The following OSMR variants were observed in gnomAD, a reference collection of about 807,000 sequenced individuals.
OSMR encodes oncostatin M receptor.
OSMR carries 81 observed loss-of-function variants against 99.9 expected under a neutral mutation model. That is an observed-to-expected ratio of 0.81 (90% CI 0.68 to 0.97). The LOEUF (loss-of-function observed/expected upper bound fraction) is 0.97, where lower values mean the gene tolerates loss of function less well. OSMR is among the 50% of genes least tolerant of loss of function. The pLI, the probability that OSMR is intolerant of heterozygous loss-of-function variation, is 0.00. For missense variants in OSMR, 1,099 were observed against 1,153.4 expected (o/e 0.95, Z 0.68); for synonymous variants, 406 against 410.4 (o/e 0.99, Z 0.13).
intron 1 of OSMR, among the ~76,000 whole-genome samples, chr5:38,864,812 G>T (rs570585839): frequency 6.6e-6 from 1 of 151,992 alleles, no homozygotes; most frequent in Non-Finnish European, 1.5e-5. Flanking sequence ...CTATTATTTT[G>T]TAAAATAGAT....
At chr5:38,898,353 C>G (rs1335840366) in intron 7 of OSMR, among the ~76,000 whole-genome samples, 1 of 152,092 alleles carries the variant, frequency 6.6e-6, no homozygotes, top group African/African-American at 2.4e-5. Context: ...ACGTAATGAC[C>G]TACTTTGCAT....
chr5:38,846,214 T>C lies in OSMR; in HGVS notation c.-187T>C, dbSNP rs2111955645. ...TGGCTTTTCCGACGGGCGAGCCCCG[T>C]GCTGTGCGGGAAAGAATCCGACAAC... On this transcript the variant is annotated 5_prime_UTR_variant, in exon 1 of 18. Coordinates refer to ENST00000274276, the MANE Select transcript of OSMR (RefSeq NM_003999.3). 6.6e-6 allele frequency: 1 copy of C among 152,360 alleles called. No homozygotes were observed. The highest frequency in any genetic ancestry group is 2.1e-4 in the South Asian group (1 of 4,828). The allele number at this position is 152,360 out of a possible 1,614,324, so 9.4% of individuals were successfully genotyped here. A position where few individuals can be genotyped will look rare whatever the true frequency, so the allele number is the denominator to read the frequency against.
At position 38,884,035 on chromosome 5, in the gene OSMR, A is replaced by G; in HGVS notation, c.627A>G (p.Lys209=). 2 of 1,613,930 alleles carry G rather than the reference A, an allele frequency of 1.2e-6. No individual in the cohort carries two copies. The highest frequency in any genetic ancestry group is 1.7e-6 in the Non-Finnish European group (2 of 1,179,774). ...ATAGTGTGCCTTTCATTAGGAATAAAGGGACAAATATCTATTGTGAGGCAA... is the reference window on the plus strand; with the variant it reads ...ATAGTGTGCCTTTCATTAGGAATAAGGGGACAAATATCTATTGTGAGGCAA... ...NLNSVPFIRN[K]GTNIYCEASQ... Residue 209 remains lysine, a synonymous_variant, in exon 5 of 18, where the codon AAA becomes AAG. Transcript: ENST00000274276.
chr5:38,894,076 T>C (rs1397281706), intron 7 of OSMR, among the ~76,000 whole-genome samples: 1 of 152,192 alleles, frequency 6.6e-6, no homozygotes, highest in Non-Finnish European at 1.5e-5. Flanking sequence ...CCTGCCAAGT[T>C]GAGCTTCATA....
chr5:38,914,647 A>G (rs1745796276), intron 9 of OSMR, among the ~76,000 whole-genome samples: 2 of 152,342 alleles, frequency 1.3e-5, no homozygotes, highest in Admixed American at 6.5e-5. Context: ...GTACATATAC[A>G]CCATGGAATA....
intron 7 of OSMR, 65 bp from the exon 8 acceptor site, chr5:38,903,817 C>T: frequency 2.6e-6 from 4 of 1,565,172 alleles, no homozygotes; most frequent in Non-Finnish European, 2.6e-6. Context: ...AATAAACTGC[C>T]TATTACCAAT....
At chr5:38,931,573 C>T (rs1432944485) in intron 15 of OSMR, among the ~76,000 whole-genome samples, 2 of 152,198 alleles carry the variant, frequency 1.3e-5, no homozygotes, top group Non-Finnish European at 2.9e-5. Flanking sequence ...TTCTCACCTA[C>T]CATGAAGTTT....
At chr5:38,882,595 C>T (rs1018476755) in intron 4 of OSMR, among the ~76,000 whole-genome samples, 8 of 151,428 alleles carry the variant, frequency 5.3e-5, no homozygotes, top group African/African-American at 1.9e-4. Context: ...ACCAAAAAAA[C>T]AACAGATGGT....
chr5:38,906,953 G>A (rs1745276821), intron 9 of OSMR, among the ~76,000 whole-genome samples: 1 of 152,104 alleles, frequency 6.6e-6, no homozygotes, highest in Admixed American at 6.6e-5. Context: ...CGTGACAGTT[G>A]CTATTTAACA....
chr5:38,907,519 AGAG>A (rs1745321093), intron 9 of OSMR, among the ~76,000 whole-genome samples: 1 of 152,162 alleles, frequency 6.6e-6, no homozygotes, highest in African/African-American at 2.4e-5. Flanking sequence ...AGACCTAGAC[AGAG>A]GAGAATGGTC....
chr5:38,909,279 A>C (rs1745426528), intron 9 of OSMR, among the ~76,000 whole-genome samples: 1 of 152,240 alleles, frequency 6.6e-6, no homozygotes, highest in Non-Finnish European at 1.5e-5. Flanking sequence ...AAGGCAAGCA[A>C]CTTGGAAAAC....
chr5:38,926,011 G>A (rs1746457023), intron 15 of OSMR, among the ~76,000 whole-genome samples: 1 of 151,930 alleles, frequency 6.6e-6, no homozygotes, highest in African/African-American at 2.4e-5. Flanking sequence ...AAGAAGGAAG[G>A]GAGAAAAACA....
rs763211584 is a variant in OSMR at position 38,924,612 on chromosome 5, ATTTG to A, written c.2044+21_2044+24del. ...TTCTTTCAGGTGACATCTATTTTTA[ATTTG>A]TTTATTTATTCTTTCAAGATCTCAT... On this transcript the variant is annotated intron_variant, in intron 14 of 17. Transcript: ENST00000274276. The A allele has an allele frequency of 3.1e-5, 49 of 1,555,712 alleles. No individual in the cohort carries two copies. The highest frequency in any genetic ancestry group is 6.7e-5 in the East Asian group (3 of 44,608).
chr5:38,892,897 T>C (rs910847211), intron 7 of OSMR, among the ~76,000 whole-genome samples: 2 of 145,572 alleles, frequency 1.4e-5, no homozygotes, highest in African/African-American at 4.9e-5. Flanking sequence ...CTAAGTGCAC[T>C]TACAGGAGCT....
intron 1 of OSMR, among the ~76,000 whole-genome samples, chr5:38,867,123 G>A (rs1458784225): frequency 6.6e-6 from 1 of 152,158 alleles, no homozygotes; most frequent in Non-Finnish European, 1.5e-5. Flanking sequence ...CTCCCTCAGT[G>A]TATTCTATTT....
chr5:38,886,457 A>C, intron 7 of OSMR: 217 of 768,398 alleles, frequency 2.8e-4, no homozygotes, highest in Non-Finnish European at 3.4e-4. Context: ...GTCATATCTC[A>C]TCCTGTAACG....
intron 2 of OSMR, among the ~76,000 whole-genome samples, chr5:38,873,408 A>G (rs1742542578): frequency 6.6e-6 from 1 of 152,096 alleles, no homozygotes; most frequent in African/African-American, 2.4e-5. Flanking sequence ...GTGGGCAATT[A>G]TTTGTTTCAA....
intron 4 of OSMR, among the ~76,000 whole-genome samples, chr5:38,882,327 C>A (rs556107327): frequency 5.0e-4 from 76 of 152,298 alleles, no homozygotes; most frequent in Non-Finnish European, 8.8e-4. Context: ...GTAATCTCAG[C>A]ACTTTGGGAG....
intron 3 of OSMR, among the ~76,000 whole-genome samples, chr5:38,880,462 G>A (rs922227854): frequency 3.3e-5 from 5 of 152,126 alleles, no homozygotes; most frequent in African/African-American, 1.2e-4. Context: ...CGTGGTTCCT[G>A]CTCCCTCGGG....
Sources: allele counts gnomAD v4.1 joint callset (sites outside exome capture counted in the v4.1 genomes callset), GRCh38; gene constraint gnomAD v4.1.1; transcripts MANE v1.5; gene names NCBI Gene and HGNC (gene_info 2026-07-23, HGNC 2026-07-21).